The following ROBO1 variants were observed in gnomAD, a reference collection of about 807,000 sequenced individuals.
The protein encoded by ROBO1 is roundabout guidance receptor 1.
ROBO1 carries 149 observed loss-of-function variants against 195.9 expected under a neutral mutation model. The ratio of observed to expected loss-of-function variants is 0.76; its 90% CI spans 0.67 to 0.87. The LOEUF is 0.87. Ranked by LOEUF, ROBO1 falls within the 40% of genes least tolerant of loss-of-function variation. The pLI is 0.00. For synonymous variants in ROBO1, 816 were observed against 733.2 expected (o/e 1.11, Z -1.82); for missense variants, 1,933 against 2,068.3 (o/e 0.93, Z 1.27).
Position 79,094,619 on chromosome 3 carries a change from T to G in ROBO1, c.172+30837A>C, listed in dbSNP as rs529397426. ...AGGATAAGTAGTCAGGTTTTATTTT[T>G]TTCAACTTTATGAAGAATATTTAGT... On this transcript the variant is annotated intron_variant, in intron 3 of 30. Coordinates refer to ENST00000464233, the MANE Select transcript of ROBO1 (RefSeq NM_002941.4). 2.6e-5 allele frequency among the ~76,000 whole-genome samples: 4 copies of G among 152,278 alleles called. No homozygotes were observed. The South Asian group carries it at 8.3e-4, about 32-fold the overall frequency.
chr3:78,780,427 T>C (rs557530821), intron 4 of ROBO1, among the ~76,000 whole-genome samples: 14 of 152,200 alleles, frequency 9.2e-5, no homozygotes, highest in Admixed American at 3.3e-4. Context: ...CAAGTTTGAT[T>C]TTGCATGGCG....
chr3:79,448,855 C>T lies in ROBO1; in HGVS notation c.88+140969G>A, dbSNP rs140303883. On this transcript the variant is annotated intron_variant, in intron 2 of 30. Transcript: ENST00000464233. ...TGAGTGAATTACCCATCATTAACTA[C>T]GTTCATTGATACCTCCATTATTGGT... Among the ~76,000 whole-genome samples the T allele has an allele frequency of 1.6e-3, 246 of 152,220 alleles. 1 individual carries two copies. Among genetic ancestry groups the T allele is most frequent in the African/African-American group, 5.5e-3 (230 of 41,540 alleles).
At position 79,070,293 on chromosome 3, in the gene ROBO1, C is replaced by T. The variant is rs189747079; in HGVS notation, c.172+55163G>A. 1.8e-3 allele frequency among the ~76,000 whole-genome samples: 281 copies of T among 151,950 alleles called. 1 individual carries two copies. Among genetic ancestry groups the T allele is most frequent in the Non-Finnish European group, 3.5e-3 (237 of 67,862 alleles). Reference sequence around the variant, plus strand: ...AGTTATTGGATATACAATATTTACTCATTTAACGCATTACAATTAATTTCC... The same window carrying T: ...AGTTATTGGATATACAATATTTACTTATTTAACGCATTACAATTAATTTCC... On this transcript the variant is annotated intron_variant, in intron 3 of 30. Coordinates refer to ENST00000464233, the MANE Select transcript of ROBO1 (RefSeq NM_002941.4).
At chr3:78,609,827 C>A (rs1703699631) in intron 28 of ROBO1, among the ~76,000 whole-genome samples, 3 of 152,150 alleles carry the variant, frequency 2.0e-5, no homozygotes, top group South Asian at 4.1e-4. Context: ...TCAGTTTTAA[C>A]CTAGTATTTC....
chr3:79,326,796 C>T (rs370400119), intron 2 of ROBO1, among the ~76,000 whole-genome samples: 4 of 152,030 alleles, frequency 2.6e-5, no homozygotes, highest in Admixed American at 2.0e-4. Context: ...AAGATTATTG[C>T]GTAATTTTGT....
At chr3:79,030,365 C>A (rs1386295978) in intron 3 of ROBO1, among the ~76,000 whole-genome samples, 1 of 152,126 alleles carries the variant, frequency 6.6e-6, no homozygotes, top group Non-Finnish European at 1.5e-5. Flanking sequence ...AGGACAGTCT[C>A]CCTCTCACAA....
intron 26 of ROBO1, among the ~76,000 whole-genome samples, chr3:78,625,131 A>C (rs1704683941): frequency 6.6e-6 from 1 of 152,192 alleles, no homozygotes; most frequent in African/African-American, 2.4e-5. Flanking sequence ...AGAGAAGAAA[A>C]GTGGAATCCA....
chr3:79,026,390 A>G (rs1346142334), intron 3 of ROBO1, among the ~76,000 whole-genome samples: 1 of 152,104 alleles, frequency 6.6e-6, no homozygotes, highest in African/African-American at 2.4e-5. Flanking sequence ...GAAAGCTATC[A>G]GTGTGTATGT....
intron 2 of ROBO1, among the ~76,000 whole-genome samples, chr3:79,362,884 G>A (rs1577022965): frequency 6.6e-6 from 1 of 152,084 alleles, no homozygotes; most frequent in East Asian, 1.9e-4. Flanking sequence ...TTCATAGCCC[G>A]GGAGATAAGG....
intron 3 of ROBO1, among the ~76,000 whole-genome samples, chr3:79,026,783 G>C (rs2078210635): frequency 6.6e-6 from 1 of 151,988 alleles, no homozygotes; most frequent in Admixed American, 6.5e-5. Flanking sequence ...CAGCTGCACA[G>C]CTGAATGACA....
intron 2 of ROBO1, among the ~76,000 whole-genome samples, chr3:79,282,007 A>G (rs1576918003): frequency 6.6e-6 from 1 of 152,214 alleles, no homozygotes; most frequent in Non-Finnish European, 1.5e-5. Context: ...ACCCTAAATT[A>G]GTGCTGGAAA....
chr3:79,629,475 C>T (rs564300995), intron 1 of ROBO1, among the ~76,000 whole-genome samples: 12 of 151,978 alleles, frequency 7.9e-5, no homozygotes, highest in Non-Finnish European at 1.5e-4. Context: ...ACCGAAACCT[C>T]GGGGATACAG....
intron 2 of ROBO1, among the ~76,000 whole-genome samples, chr3:79,332,016 G>C (rs1447679305): frequency 6.6e-6 from 1 of 151,878 alleles, no homozygotes; most frequent in African/African-American, 2.4e-5. Context: ...GGTGGCGGGC[G>C]CCTGTAGTCC....
chr3:78,768,108 T>G (rs977260435), intron 4 of ROBO1, among the ~76,000 whole-genome samples: 3 of 152,126 alleles, frequency 2.0e-5, no homozygotes, highest in Non-Finnish European at 4.4e-5. Context: ...TCCCAGAGGT[T>G]TTGATAGGTT....
At position 78,607,020 on chromosome 3, in the gene ROBO1, G is replaced by A. The variant is rs759693235; in HGVS notation, c.4457C>T (p.Pro1486Leu). The change falls in exon 29 of 31, where the codon CCG (proline) becomes CTG (leucine). Residue 1486 changes from proline to leucine, a missense_variant. Around this residue, in one of 3 missense-constraint regions of ROBO1, gnomAD observed 1,737 missense variants for 1,882.5 expected, o/e 0.92. Coordinates refer to ENST00000464233, the MANE Select transcript of ROBO1 (RefSeq NM_002941.4). Reference sequence around the variant, plus strand: ...AGTAGGTGACTTTATAGCAGGTGGCGGCACAGGAGGTGGTGGAAGATCTAA... The same window carrying A: ...AGTAGGTGACTTTATAGCAGGTGGCAGCACAGGAGGTGGTGGAAGATCTAA... ...YTDDLPPPPV[P>L]PPAIKSPTAQ... 12 of 1,610,462 alleles carry A rather than the reference G, an allele frequency of 7.5e-6. No homozygotes were observed. Among genetic ancestry groups the A allele is most frequent in the African/African-American group, 5.4e-5 (4 of 74,760 alleles).
At chr3:79,000,322 C>T (rs1041284940) in intron 3 of ROBO1, among the ~76,000 whole-genome samples, 14 of 152,034 alleles carry the variant, frequency 9.2e-5, no homozygotes, top group African/African-American at 3.4e-4. Context: ...GGGTAGTAGA[C>T]CTTTGTCAGA....
intron 4 of ROBO1, among the ~76,000 whole-genome samples, chr3:78,923,227 A>G (rs141766216): frequency 0.02 from 3,115 of 152,164 alleles, 78 homozygotes; most frequent in Middle Eastern, 0.13. Flanking sequence ...CATTTTTGAG[A>G]CTTTTTCTGT....
chr3:78,782,426 G>T (rs1004199428), intron 4 of ROBO1, among the ~76,000 whole-genome samples: 3 of 151,920 alleles, frequency 2.0e-5, no homozygotes, highest in Non-Finnish European at 1.5e-5. Context: ...TGAACTCCTG[G>T]CCTCAAGTGA....
chr3:79,670,496 C>T (rs1946601655), intron 1 of ROBO1, among the ~76,000 whole-genome samples: 1 of 151,810 alleles, frequency 6.6e-6, no homozygotes, highest in Non-Finnish European at 1.5e-5. Flanking sequence ...CGTATCAACT[C>T]ATACTCTAAA....
Sources: allele counts gnomAD v4.1 joint callset (sites outside exome capture counted in the v4.1 genomes callset), GRCh38; gene constraint gnomAD v4.1.1; regional missense constraint gnomAD v4.1.1; transcripts MANE v1.5; gene names NCBI Gene and HGNC (gene_info 2026-07-23, HGNC 2026-07-21).